TMEM132D: variants seen among roughly 807,000 people sequenced by gnomAD.
TMEM132D encodes the protein mature OL transmembrane protein.
In TMEM132D, 21 loss-of-function variants were observed where a neutral mutation model predicts 62.3. That is an observed-to-expected ratio of 0.34 (90% CI 0.24 to 0.49). TMEM132D has a LOEUF of 0.49. TMEM132D is among the 20% of genes least tolerant of loss of function. The probability of loss-of-function intolerance (pLI) is 0.99; values close to 1 mark genes in which losing one functional copy is unlikely to be tolerated. For synonymous variants in TMEM132D, 621 were observed against 575.6 expected, an observed-to-expected ratio of 1.08 and a Z score of -1.13; for missense variants, 1,346 against 1,402.8, an observed-to-expected ratio of 0.96 and a Z score of 0.65.
intron 4 of TMEM132D, among the ~76,000 whole-genome samples, chr12:129,285,382 C>G (rs1312796882): frequency 2.0e-5 from 3 of 151,000 alleles, no homozygotes; most frequent in Non-Finnish European, 4.4e-5. Flanking sequence ...AAAAAATTAG[C>G]TGGGCATGGT....
chr12:129,789,155 C>T (rs903767643), intron 1 of TMEM132D, among the ~76,000 whole-genome samples: 14 of 152,052 alleles, frequency 9.2e-5, no homozygotes, highest in African/African-American at 3.1e-4. Flanking sequence ...GATTTGGGTG[C>T]ACCCATCACC....
At chr12:129,553,113 T>C (rs1876946669) in intron 2 of TMEM132D, among the ~76,000 whole-genome samples, 2 of 152,262 alleles carry the variant, frequency 1.3e-5, no homozygotes, top group East Asian at 3.9e-4. Flanking sequence ...GCTCTTCCCC[T>C]TTTGAGACTC....
At chr12:129,732,799 GCATGGGAATCTGGGGCCAGGCCCACA>G (rs1294218989) in intron 1 of TMEM132D, among the ~76,000 whole-genome samples, 3 of 152,222 alleles carry the variant, frequency 2.0e-5, no homozygotes, top group African/African-American at 7.2e-5. Flanking sequence ...CTTGATTACA[GCATGGGAATCTGGGGCCAGGCCCACA>G]CCCAGGGAGG....
At chr12:129,605,509 G>A (rs1427320557) in intron 2 of TMEM132D, among the ~76,000 whole-genome samples, 2 of 150,250 alleles carry the variant, frequency 1.3e-5, no homozygotes, top group African/African-American at 4.9e-5. Flanking sequence ...TCCAGCACTA[G>A]AAAATCATAC....
At chr12:129,615,902 G>C (rs1878904207) in intron 2 of TMEM132D, among the ~76,000 whole-genome samples, 1 of 152,240 alleles carries the variant, frequency 6.6e-6, no homozygotes, top group Non-Finnish European at 1.5e-5. Context: ...GAACTGGCTT[G>C]AGTTGAGTGG....
At chr12:129,442,468 G>T (rs151113481) in intron 3 of TMEM132D, among the ~76,000 whole-genome samples, 1 of 152,092 alleles carries the variant, frequency 6.6e-6, no homozygotes, top group Non-Finnish European at 1.5e-5. Flanking sequence ...CAAGAGTCCC[G>T]ACCTCCTGAG....
chr12:129,125,626 T>G (rs569559834), intron 5 of TMEM132D, among the ~76,000 whole-genome samples: 86 of 151,548 alleles, frequency 5.7e-4, no homozygotes, highest in African/African-American at 1.9e-3. Flanking sequence ...TAGCTGGGAC[T>G]ACAGGTGTGT....
chr12:129,223,963 T>C (rs1879415209), intron 4 of TMEM132D, among the ~76,000 whole-genome samples: 1 of 152,160 alleles, frequency 6.6e-6, no homozygotes, highest in Non-Finnish European at 1.5e-5. Context: ...GGATGTTCCA[T>C]GCCTTATAAG....
At chr12:129,770,285 AG>A (rs1424572784) in intron 1 of TMEM132D, among the ~76,000 whole-genome samples, 1 of 151,758 alleles carries the variant, frequency 6.6e-6, no homozygotes, top group Admixed American at 6.6e-5. Context: ...CTGGGATTAC[AG>A]GCACATGCCA....
At chr12:129,233,794 C>A (rs1340662399) in intron 4 of TMEM132D, among the ~76,000 whole-genome samples, 2 of 151,816 alleles carry the variant, frequency 1.3e-5, no homozygotes, top group Non-Finnish European at 2.9e-5. Context: ...GCCCGGCTAA[C>A]CCTGGCCTAT....
intron 2 of TMEM132D, among the ~76,000 whole-genome samples, chr12:129,561,556 T>C (rs992871803): frequency 1.3e-5 from 2 of 152,134 alleles, no homozygotes; most frequent in Admixed American, 6.5e-5. Context: ...GAATAATTTA[T>C]GGAGAGCAGT....
intron 2 of TMEM132D, among the ~76,000 whole-genome samples, chr12:129,594,534 C>T (rs1878282327): frequency 6.6e-6 from 1 of 152,172 alleles, no homozygotes; most frequent in South Asian, 2.1e-4. Flanking sequence ...TGTTGGAAAG[C>T]ACAGCCTTTA....
intron 3 of TMEM132D, among the ~76,000 whole-genome samples, chr12:129,402,926 A>G (rs1871664547): frequency 6.6e-6 from 1 of 152,116 alleles, no homozygotes; most frequent in Non-Finnish European, 1.5e-5. Context: ...CAGCACCCAC[A>G]GTCACCTTTA....
chr12:129,412,023 AT>A (rs577001409), intron 3 of TMEM132D, among the ~76,000 whole-genome samples: 1 of 152,162 alleles, frequency 6.6e-6, no homozygotes, highest in African/African-American at 2.4e-5. Flanking sequence ...CACATTTTTT[AT>A]TTTTTTGAAA....
intron 1 of TMEM132D, among the ~76,000 whole-genome samples, chr12:129,799,055 G>A (rs890417539): frequency 4.6e-5 from 7 of 151,914 alleles, no homozygotes; most frequent in Middle Eastern, 3.4e-3. Context: ...CACAAGGTCC[G>A]GAGATGGAGA....
intron 4 of TMEM132D, among the ~76,000 whole-genome samples, chr12:129,230,286 C>T (rs1477596764): frequency 3.3e-5 from 5 of 149,756 alleles, no homozygotes; most frequent in East Asian, 3.9e-4. Context: ...CCATCCCCTT[C>T]CTAAACTCCT....
intron 1 of TMEM132D, among the ~76,000 whole-genome samples, chr12:129,800,721 C>A (rs1871742809): frequency 6.6e-6 from 1 of 152,084 alleles, no homozygotes; most frequent in Non-Finnish European, 1.5e-5. Context: ...GCCAAGATGG[C>A]CGAATAGGAA....
At chr12:129,238,409 C>T (rs1011472501) in intron 4 of TMEM132D, among the ~76,000 whole-genome samples, 5 of 152,186 alleles carry the variant, frequency 3.3e-5, no homozygotes, top group Admixed American at 6.5e-5. Flanking sequence ...ATATTCACAT[C>T]GTTGTGTAAC....
intron 3 of TMEM132D, among the ~76,000 whole-genome samples, chr12:129,464,395 CAA>C: frequency 6.6e-6 from 1 of 152,138 alleles, no homozygotes; most frequent in East Asian, 1.9e-4. Flanking sequence ...GAGTAGGTTG[CAA>C]AAATTTTCTC....
Sources: gnomAD v4.1 joint callset for allele counts (sites outside exome capture counted in the v4.1 genomes callset) on GRCh38, gnomAD v4.1.1 for gene constraint, MANE v1.5 for transcripts, NCBI Gene and HGNC (gene_info 2026-07-23, HGNC 2026-07-21) for gene names.